C8orf90: variants seen among roughly 807,000 people sequenced by gnomAD.
The protein encoded by C8orf90 is chromosome 8 open reading frame 90.
the C8orf90 span, among the ~76,000 whole-genome samples, chr8:141,517,019 G>T: frequency 1.3e-5 from 2 of 152,218 alleles, no homozygotes; most frequent in South Asian, 2.1e-4. Context: ...CACAGTAGGT[G>T]CTCAGTGAAT....
the C8orf90 span, among the ~76,000 whole-genome samples, chr8:141,515,709 C>T: frequency 6.6e-6 from 1 of 152,126 alleles, no homozygotes; most frequent in Non-Finnish European, 1.5e-5. Flanking sequence ...ATGGCCTCTG[C>T]CCCCTCGCTG....
chr8:141,515,715 C>T, the C8orf90 span, among the ~76,000 whole-genome samples: 2 of 152,174 alleles, frequency 1.3e-5, no homozygotes, highest in African/African-American at 2.4e-5. Flanking sequence ...TCTGCCCCCT[C>T]GCTGGCCCCT....
At chr8:141,517,461 C>T in the C8orf90 span, among the ~76,000 whole-genome samples, 1 of 152,216 alleles carries the variant, frequency 6.6e-6, no homozygotes, top group East Asian at 1.9e-4. Context: ...TAGATTTGGG[C>T]AGGGTGTGGA....
chr8:141,517,382 C>T, the C8orf90 span, among the ~76,000 whole-genome samples: 1 of 152,224 alleles, frequency 6.6e-6, no homozygotes, highest in African/African-American at 2.4e-5. Context: ...AGTATCCCTA[C>T]AGCTAAGCAC....
the C8orf90 span, chr8:141,518,478 T>A: frequency 1.6e-6 from 1 of 644,832 alleles, no homozygotes; most frequent in Admixed American, 2.4e-5. Flanking sequence ...GCCCCGGAGC[T>A]TCGCCCCCAG....
chr8:141,517,043 G>A, the C8orf90 span, among the ~76,000 whole-genome samples: 3 of 152,210 alleles, frequency 2.0e-5, no homozygotes, highest in African/African-American at 7.2e-5. Context: ...TGTGCAGAGG[G>A]AAGAGACTGT....
chr8:141,514,746 C>T, the C8orf90 span: 1 of 701,622 alleles, frequency 1.4e-6, no homozygotes. Context: ...CTGCCCCCTC[C>T]TTCTGTAGCC....
the C8orf90 span, chr8:141,514,813 C>A: frequency 1.4e-6 from 1 of 694,236 alleles, no homozygotes; most frequent in South Asian, 1.5e-5. Flanking sequence ...GGACGGGGCA[C>A]CTGGGGCTCT....
the C8orf90 span, chr8:141,518,364 C>G: frequency 4.4e-6 from 3 of 677,394 alleles, no homozygotes; most frequent in Non-Finnish European, 8.0e-6. Context: ...CCGAGAACTT[C>G]ACGCTGCCCT....
At chr8:141,514,713 C>T in the C8orf90 span, 3 of 701,894 alleles carry the variant, frequency 4.3e-6, no homozygotes, top group Middle Eastern at 2.3e-4. Flanking sequence ...TCCTCTTGTC[C>T]TGGGACCCCC....
the C8orf90 span, among the ~76,000 whole-genome samples, chr8:141,517,878 G>A: frequency 2.0e-5 from 3 of 152,144 alleles, no homozygotes; most frequent in African/African-American, 4.8e-5. Flanking sequence ...TCCTAAGCTC[G>A]CTCAGTCCCC....
the C8orf90 span, chr8:141,518,587 C>CCGGCCT: frequency 2.2e-6 from 1 of 445,076 alleles, no homozygotes; most frequent in Non-Finnish European, 3.9e-6. Context: ...GGGCCCGGGC[C>CCGGCCT]CGGCCTCGTC....
At chr8:141,518,490 G>A in the C8orf90 span, 2 of 630,334 alleles carry the variant, frequency 3.2e-6, no homozygotes, top group South Asian at 1.7e-5. Flanking sequence ...CGCCCCCAGC[G>A]CTGCTGCGGC....
At chr8:141,518,237 C>A in the C8orf90 span, 1 of 619,348 alleles carries the variant, frequency 1.6e-6, no homozygotes, top group Admixed American at 2.7e-5. Flanking sequence ...CCCCCGGAGC[C>A]CGCCTTCCCG....
the C8orf90 span, chr8:141,514,701 C>T: frequency 1.4e-6 from 1 of 701,532 alleles, no homozygotes; most frequent in East Asian, 2.7e-5. Context: ...GCTGGCATGG[C>T]CTCCTCTTGT....
the C8orf90 span, chr8:141,514,857 C>T: frequency 1.5e-6 from 1 of 662,032 alleles, no homozygotes. Context: ...CCCTCTGACC[C>T]ATCTTCCAGA....
the C8orf90 span, among the ~76,000 whole-genome samples, chr8:141,515,446 C>T: frequency 2.5e-4 from 37 of 150,386 alleles, 1 homozygote; most frequent in Middle Eastern, 6.8e-3. Flanking sequence ...CCTGCCCTCT[C>T]CCTAGCTCTC....
the C8orf90 span, among the ~76,000 whole-genome samples, chr8:141,518,060 C>CCCTGGGGAT: frequency 1.3e-5 from 2 of 152,164 alleles, no homozygotes; most frequent in African/African-American, 4.8e-5. Context: ...CACCAGGTGG[C>CCCTGGGGAT]CCTGGCCATC....
At chr8:141,514,689 C>T in the C8orf90 span, 1 of 701,032 alleles carries the variant, frequency 1.4e-6, no homozygotes, top group East Asian at 2.7e-5. Context: ...GTCTCCCGGG[C>T]TGCTGGCATG....
Sources: allele counts gnomAD v4.1 joint callset (sites outside exome capture counted in the v4.1 genomes callset), GRCh38; gene constraint gnomAD v4.1.1; transcripts MANE v1.5; gene names NCBI Gene and HGNC (gene_info 2026-07-23, HGNC 2026-07-21).